The following MEMO1 variants were observed in gnomAD, a reference collection of about 807,000 sequenced individuals.
MEMO1 encodes protein MEMO1.
A neutral mutation model predicts 45.2 loss-of-function variants in MEMO1; 6 were observed. The ratio of observed to expected loss-of-function variants is 0.13; its 90% CI spans 0.07 to 0.26. MEMO1 has a LOEUF of 0.26. Among genes scored for constraint, MEMO1 ranks in the 10% least tolerant of loss-of-function variants. The pLI is 1.00. For synonymous variants in MEMO1, 78 were observed against 124.3 expected, an observed-to-expected ratio of 0.63 and a Z score of 2.48; for missense variants, 184 against 370.5, an observed-to-expected ratio of 0.50 and a Z score of 4.13.
chr2:31,891,969 AT>A (rs761844752), intron 7 of MEMO1, 22 bp downstream of exon 7: 1 of 1,602,096 alleles, frequency 6.2e-7, no homozygotes, highest in South Asian at 1.1e-5. Context: ...ATCTACCATG[AT>A]ATGTTAAAAT....
rs532527361 is a variant in MEMO1 at position 31,971,735 on chromosome 2, C to T, written c.62-28352G>A. On this transcript the variant is annotated intron_variant, in intron 2 of 9. Coordinates refer to ENST00000404530, the MANE Select transcript of MEMO1 (RefSeq NM_001301833.4). ...CAGTAATCCCAGCATTTTGGGAGGCCGAGGTGGGAGGATTACCTGAGGTCA... is the reference window on the plus strand; with the variant it reads ...CAGTAATCCCAGCATTTTGGGAGGCTGAGGTGGGAGGATTACCTGAGGTCA... Among the ~76,000 whole-genome samples the T allele has an allele frequency of 6.3e-4, 96 of 152,148 alleles. 1 individual carries two copies. The highest frequency in any genetic ancestry group is 2.2e-3 in the African/African-American group (92 of 41,538).
chr2:31,888,632 T>C (rs773267136), intron 7 of MEMO1, among the ~76,000 whole-genome samples: 8 of 152,092 alleles, frequency 5.3e-5, no homozygotes, highest in Admixed American at 2.0e-4. Flanking sequence ...GCACACAGAC[T>C]AGTGGCAAAT....
chr2:31,967,405 T>G (rs1668762952), intron 2 of MEMO1, among the ~76,000 whole-genome samples: 1 of 152,094 alleles, frequency 6.6e-6, no homozygotes, highest in African/African-American at 2.4e-5. Flanking sequence ...ATTACAGGCG[T>G]GAGCCACCGC....
intron 6 of MEMO1, among the ~76,000 whole-genome samples, chr2:31,912,673 G>C (rs1057162092): frequency 6.6e-6 from 1 of 151,642 alleles, no homozygotes; most frequent in Non-Finnish European, 1.5e-5. Context: ...ATGATCTCTT[G>C]TTTATATATT....
chr2:31,910,951 T>C (rs1680473719), intron 6 of MEMO1, among the ~76,000 whole-genome samples: 3 of 151,794 alleles, frequency 2.0e-5, no homozygotes, highest in Admixed American at 6.6e-5. Context: ...TAAACATATA[T>C]ATGTATAAAT....
chr2:31,920,668 T>G, intron 5 of MEMO1, 130 bp downstream of exon 5: 1 of 452,518 alleles, frequency 2.2e-6, no homozygotes. Flanking sequence ...TTTATGCAGA[T>G]TAGTTATAAC....
intron 1 of MEMO1, 139 bp from the exon 2 acceptor site, chr2:32,010,403 AGAG>A (rs993827883): frequency 5.4e-5 from 22 of 404,298 alleles, no homozygotes; most frequent in Non-Finnish European, 1.0e-4. Flanking sequence ...AGGAGGAGGA[AGAG>A]GAGGAGGCGG....
At chr2:31,881,108 A>C (rs1180700070) in intron 8 of MEMO1, among the ~76,000 whole-genome samples, 2 of 152,174 alleles carry the variant, frequency 1.3e-5, no homozygotes, top group African/African-American at 4.8e-5. Context: ...AGACAGTAGG[A>C]TCAACATCTA....
chr2:31,908,594 A>C (rs1680102458), intron 6 of MEMO1, among the ~76,000 whole-genome samples: 1 of 152,168 alleles, frequency 6.6e-6, no homozygotes, highest in African/African-American at 2.4e-5. Context: ...GGAATACTTA[A>C]AGGGTAATGA....
intron 3 of MEMO1, among the ~76,000 whole-genome samples, chr2:31,936,244 G>A (rs1243056621): frequency 6.6e-6 from 1 of 152,158 alleles, no homozygotes; most frequent in Non-Finnish European, 1.5e-5. Context: ...TTACAGGCAT[G>A]AGCCACCGCG....
chr2:31,882,509 A>G (rs1675559958), intron 8 of MEMO1, among the ~76,000 whole-genome samples: 1 of 152,176 alleles, frequency 6.6e-6, no homozygotes, highest in Non-Finnish European at 1.5e-5. Flanking sequence ...GAGCTTCTAA[A>G]AATTTGAAGG....
intron 6 of MEMO1, among the ~76,000 whole-genome samples, chr2:31,894,584 G>A (rs772630589): frequency 1.3e-5 from 2 of 152,042 alleles, no homozygotes; most frequent in East Asian, 1.9e-4. Flanking sequence ...GAGGCTGCAC[G>A]CATGTACAGG....
chr2:31,899,372 A>G (rs1327912921), intron 6 of MEMO1, among the ~76,000 whole-genome samples: 1 of 152,242 alleles, frequency 6.6e-6, no homozygotes, highest in African/African-American at 2.4e-5. Flanking sequence ...GGCCTCAGAA[A>G]TAATGCCACA....
intron 2 of MEMO1, among the ~76,000 whole-genome samples, chr2:31,986,259 C>A (rs1165441536): frequency 1.3e-5 from 2 of 151,940 alleles, no homozygotes; most frequent in Non-Finnish European, 2.9e-5. Context: ...ATTAGCCGGG[C>A]GTGGTGGCAG....
intron 2 of MEMO1, among the ~76,000 whole-genome samples, chr2:31,951,517 GTTTT>G (rs201608134): frequency 2.2e-5 from 3 of 139,186 alleles, no homozygotes; most frequent in South Asian, 2.3e-4. Flanking sequence ...TCACTTAATG[GTTTT>G]TTTTTTTTTT....
chr2:31,892,094 C>T lies in MEMO1; in HGVS notation c.478G>A (p.Ala160Thr). The stretch of plus-strand genomic sequence containing the variant: ...TCCTGTTCTTTTGACTCACTCAGAG[C>T]TCCAACCAGTACAGGAATAATGGTA... ...EFTIIPVLVG[A>T]LSESKEQEFG... is the part of the protein sequence containing the mutation. Residue 160 changes from alanine to threonine, a missense_variant, in exon 7 of 10, where the codon GCT becomes ACT. Physicochemically the swap from Ala to Thr is moderately conservative, Grantham distance 58 (BLOSUM62 0). Coordinates refer to ENST00000404530, the MANE Select transcript of MEMO1 (RefSeq NM_001301833.4). 1 of 1,612,582 alleles carries T rather than the reference C, an allele frequency of 6.2e-7. No homozygotes were observed. The highest frequency in any genetic ancestry group is 8.5e-7 in the Non-Finnish European group (1 of 1,179,102).
chr2:31,989,764 G>A (rs554080852), intron 2 of MEMO1, among the ~76,000 whole-genome samples: 14 of 152,108 alleles, frequency 9.2e-5, no homozygotes, highest in South Asian at 8.3e-4. Context: ...AGGAACTACC[G>A]CATGTAGAGT....
At position 31,969,586 on chromosome 2, in the gene MEMO1, G is replaced by GGTGGGTGT. The variant is rs1273367737; in HGVS notation, c.62-26204_62-26203insACACCCAC. 1.3e-4 allele frequency among the ~76,000 whole-genome samples: 16 copies of GGTGGGTGT among 119,264 alleles called. No individual in the cohort carries two copies. The East Asian group carries it at 3.2e-3, about 24-fold the overall frequency. 78.2% of individuals were successfully genotyped at this position (119,264 alleles called of 152,430 possible). On this transcript the variant is annotated intron_variant, in intron 2 of 9. Coordinates refer to ENST00000404530, the MANE Select transcript of MEMO1 (RefSeq NM_001301833.4). ...AATCTTTTCTGGGGGTGTGTGTGTG[G>GGTGGGTGT]GTGTGTGTGTGTGTGTGTGTGTGTG...
At chr2:31,973,693 G>C (rs1016224248) in intron 2 of MEMO1, among the ~76,000 whole-genome samples, 1 of 152,168 alleles carries the variant, frequency 6.6e-6, no homozygotes, top group Non-Finnish European at 1.5e-5. Context: ...AAAGTGCCAT[G>C]CTAAGTGAAA....
Sources: allele counts gnomAD v4.1 joint callset (sites outside exome capture counted in the v4.1 genomes callset), GRCh38; gene constraint gnomAD v4.1.1; transcripts MANE v1.5; gene names NCBI Gene and HGNC (gene_info 2026-07-23, HGNC 2026-07-21).